TBCCD1: variants seen among roughly 807,000 people sequenced by gnomAD.
TBCCD1 encodes TBCC domain-containing protein 1.
In TBCCD1, 26 loss-of-function variants were observed where a neutral mutation model predicts 53.4. The ratio of observed to expected loss-of-function variants is 0.49; its 90% CI spans 0.36 to 0.68. The LOEUF (loss-of-function observed/expected upper bound fraction) is 0.68. Among genes scored for constraint, TBCCD1 ranks in the 30% least tolerant of loss-of-function variants. The pLI is 0.00. For missense variants in TBCCD1, 558 were observed against 669.5 expected (o/e 0.83, Z 1.84); for synonymous variants, 245 against 241.7 (o/e 1.01, Z -0.13).
chr3:186,564,418 T>C, intron 1 of TBCCD1, 46 bp from the exon 2 acceptor site: 1 of 1,311,338 alleles, frequency 7.6e-7, no homozygotes, highest in Non-Finnish European at 1.0e-6. Flanking sequence ...ACAAGTCTCA[T>C]TTATGCATTT....
upstream of TBCCD1, chr3:186,570,124 A>G (rs1457187445): frequency 2.8e-6 from 2 of 701,768 alleles, no homozygotes; most frequent in Non-Finnish European, 5.2e-6. Flanking sequence ...AAGCGGTGGA[A>G]GCCGAATCCG....
chr3:186,570,289 C>T (rs932492652), upstream of TBCCD1: 2 of 552,376 alleles, frequency 3.6e-6, no homozygotes, highest in East Asian at 2.9e-5. Flanking sequence ...TACCTCTGCT[C>T]CCTCATTCGG....
At position 186,558,424 on chromosome 3, in the gene TBCCD1, T is replaced by C. The variant is rs143667202; in HGVS notation, c.485A>G (p.His162Arg). The change falls in exon 3 of 8, where the codon CAT becomes CGT. Residue 162 changes from histidine to arginine, a missense_variant. By Grantham distance (29) the His-to-Arg change is conservative. Transcript: ENST00000338733. ...SPDLTEKSNC[H>R]NKNWNDYSHQ... Reference sequence around the variant, plus strand: ...TCAAGATATAAGGAGTACCTTATTATGACAATTAGATTTTTCAGTCAGGTC... The same window carrying C: ...TCAAGATATAAGGAGTACCTTATTACGACAATTAGATTTTTCAGTCAGGTC... The C allele has an allele frequency of 1.2e-6, 2 of 1,613,938 alleles. No individual in the cohort carries two copies. Among genetic ancestry groups the C allele is most frequent in the Non-Finnish European group, 1.7e-6 (2 of 1,179,958 alleles).
At position 186,555,066 on chromosome 3, in the gene TBCCD1, C is replaced by A; in HGVS notation, c.878G>T (p.Arg293Ile). 1 of 1,603,256 alleles carries A rather than the reference C, an allele frequency of 6.2e-7. No individual in the cohort carries two copies. The highest frequency in any genetic ancestry group is 2.2e-5 in the East Asian group (1 of 44,764). ...ATGAGTATTACAAGCAATCTTAGCT[C>A]TTTTGGTGGTCCCTTCAACTATTTA... ...WAHQVEGTTK[R>I]AKIACNTHVA... is the part of the protein sequence containing the mutation. The change falls in exon 5 of 8, where the codon AGA (arginine) becomes ATA (isoleucine). Residue 293 changes from arginine (R) to isoleucine (I), a missense_variant. Transcript: ENST00000338733.
Position 186,564,181 on chromosome 3 carries a change from G to C in TBCCD1, c.149C>G (p.Pro50Arg), listed in dbSNP as rs372175818. Residue 50 changes from proline (P) to arginine (R), a missense_variant, in exon 2 of 8, where the codon CCG (proline) becomes CGG (arginine). Pro to Arg is a moderately radical substitution (Grantham distance 103). Transcript: ENST00000338733. ...CCTCCATGTAGACCAGTAGAGGCGC[G>C]GGTAAGCTCCTTCTGTGGCCCGGAT... The part of the protein sequence containing the change: ...VQIRATEGAY[P>R]RLYWSTWRHI... The C allele has an allele frequency of 5.6e-6, 9 of 1,614,170 alleles. No homozygotes were observed. Among genetic ancestry groups the C allele is most frequent in the Non-Finnish European group, 7.6e-6 (9 of 1,180,036 alleles).
rs142873355 is a variant in TBCCD1 at position 186,554,679 on chromosome 3, G to A, written c.1119C>T (p.His373=). 6.2e-7 allele frequency: 1 copy of A among 1,614,106 alleles called. No individual in the cohort carries two copies. Among genetic ancestry groups the A allele is most frequent in the African/African-American group, 1.3e-5 (1 of 74,930 alleles). ...CAATGACTTTAACATTGTCACAACT[G>A]TGGAGGTGAAGTGTAGTCCCTACAG... ...LGPVGTTLHL[H]SCDNVKVIAV... Residue 373 remains histidine (H), a synonymous_variant, in exon 6 of 8, where the codon CAC becomes CAT. Transcript: ENST00000338733.
intron 3 of TBCCD1, among the ~76,000 whole-genome samples, chr3:186,557,843 A>G (rs1560227031): frequency 6.6e-6 from 1 of 152,222 alleles, no homozygotes; most frequent in Non-Finnish European, 1.5e-5. Flanking sequence ...GAGCTTGTAC[A>G]TGGCATTAAT....
Position 186,546,540 on chromosome 3 carries a change from G to T in TBCCD1, c.*437C>A, listed in dbSNP as rs905863234. 1 of 152,154 alleles carries T rather than the reference G, an allele frequency of 6.6e-6. No homozygotes were observed. The allele number at this position is 152,154 out of a possible 1,614,324, so 9.4% of individuals were successfully genotyped here. A position where few individuals can be genotyped will look rare whatever the true frequency, so the allele number is the denominator to read the frequency against. ...GAATGGAAATCAAAGTTCTTAAATA[G>T]AACAGAAGGCTGGGCACGGTGGCTC... On this transcript the variant is annotated 3_prime_UTR_variant, in exon 8 of 8. Coordinates refer to ENST00000338733, the MANE Select transcript of TBCCD1 (RefSeq NM_018138.5).
At chr3:186,554,151 C>T (rs1378846500) in intron 6 of TBCCD1, 103 bp downstream of exon 6, 1 of 1,534,086 alleles carries the variant, frequency 6.5e-7, no homozygotes, top group South Asian at 1.2e-5. Flanking sequence ...CCCAGCCTTA[C>T]ATTTTTTATT....
chr3:186,552,854 T>C (rs73887948), intron 6 of TBCCD1, among the ~76,000 whole-genome samples: 3,233 of 152,278 alleles, frequency 0.021, 113 homozygotes, highest in African/African-American at 0.074. Flanking sequence ...CTGGTGGTCT[T>C]TGGTCAGAGG....
chr3:186,563,488 T>A (rs2108463927), intron 2 of TBCCD1, among the ~76,000 whole-genome samples: 1 of 152,372 alleles, frequency 6.6e-6, no homozygotes, highest in Admixed American at 6.5e-5. Flanking sequence ...ATGTTCATTT[T>A]AAAATAGTCA....
Position 186,554,740 on chromosome 3 carries a change from A to C in TBCCD1, c.1058T>G (p.Ile353Ser). ...YLLSPLRSVT[I>S]EKCRNSIFVL... ...AAAGATGCTATTCCTGCACTTCTCAATTGTCACAGATCTGAAAAAAGGAAA... is the reference window on the plus strand; with the variant it reads ...AAAGATGCTATTCCTGCACTTCTCACTTGTCACAGATCTGAAAAAAGGAAA... Residue 353 changes from isoleucine to serine, a missense_variant, in exon 6 of 8, where the codon ATT (isoleucine) becomes AGT (serine). Coordinates refer to ENST00000338733, the MANE Select transcript of TBCCD1 (RefSeq NM_018138.5). 5.0e-6 allele frequency: 8 copies of C among 1,612,808 alleles called. No homozygotes were observed. The highest frequency in any genetic ancestry group is 6.8e-6 in the Non-Finnish European group (8 of 1,179,750).
At chr3:186,563,954 T>C (rs750321396) in intron 2 of TBCCD1, 40 bp downstream of exon 2, 28 of 1,506,346 alleles carry the variant, frequency 1.9e-5, no homozygotes, top group Non-Finnish European at 2.4e-5. Context: ...AATGGTTTCT[T>C]TCCAAAAGTA....
intron 3 of TBCCD1, among the ~76,000 whole-genome samples, chr3:186,558,052 A>AT (rs1714590247): frequency 1.3e-5 from 2 of 152,170 alleles, no homozygotes; most frequent in Admixed American, 6.5e-5. Flanking sequence ...TATTTTTATA[A>AT]TTTTTTTCAG....
rs148455051 is a variant in TBCCD1 at position 186,556,700 on chromosome 3, T to G, written c.568A>C (p.Lys190Gln). ...SDLLELLLDP[K>Q]QLTASFHSTH... The stretch of plus-strand genomic sequence containing the variant: ...GAATGAAATGATGCAGTGAGTTGTT[T>G]TGGATCTAAAAGCAGCTCGAGGAGA... Residue 190 changes from lysine (K) to glutamine (Q), a missense_variant, in exon 4 of 8, where the codon AAA becomes CAA. Coordinates refer to ENST00000338733, the MANE Select transcript of TBCCD1 (RefSeq NM_018138.5). The G allele has an allele frequency of 3.4e-5, 55 of 1,614,168 alleles. No individual in the cohort carries two copies. In the African/African-American group the frequency reaches 6.7e-4, roughly 20 times the overall value.
At chr3:186,560,995 G>C (rs1362979169) in intron 2 of TBCCD1, among the ~76,000 whole-genome samples, 1 of 152,322 alleles carries the variant, frequency 6.6e-6, no homozygotes, top group African/African-American at 2.4e-5. Context: ...AGACTTAAAT[G>C]TAAGGGGTGA....
upstream of TBCCD1, among the ~76,000 whole-genome samples, chr3:186,568,187 C>G (rs77153866): frequency 9.6e-3 from 1,459 of 152,208 alleles, 20 homozygotes; most frequent in African/African-American, 0.033. Context: ...GCTCAGTGAC[C>G]CTGCTGTTAC....
At chr3:186,563,879 C>A (rs1428900595) in intron 2 of TBCCD1, 115 bp downstream of exon 2, 2 of 1,291,344 alleles carry the variant, frequency 1.5e-6, no homozygotes, top group African/African-American at 3.0e-5. Flanking sequence ...GCCTGGGCAA[C>A]AAAGTGAAAC....
chr3:186,561,505 T>C (rs1044086072), intron 2 of TBCCD1, among the ~76,000 whole-genome samples: 3 of 152,080 alleles, frequency 2.0e-5, no homozygotes, highest in Admixed American at 6.5e-5. Context: ...TTATAAAAAA[T>C]AGGGCCGGGC....
Sources: allele counts gnomAD v4.1 joint callset (sites outside exome capture counted in the v4.1 genomes callset), GRCh38; gene constraint gnomAD v4.1.1; transcripts MANE v1.5; gene names NCBI Gene and HGNC (gene_info 2026-07-23, HGNC 2026-07-21).